Variants in RTL10 observed in about 807,000 individuals in gnomAD.
RTL10 encodes the protein retrotransposon Gag like 10.
For missense variants in RTL10, 477 were observed against 470.7 expected, an observed-to-expected ratio of 1.01 and a Z score of -0.12; for synonymous variants, 199 against 188.4, an observed-to-expected ratio of 1.06 and a Z score of -0.46.
Position 19,846,489 on chromosome 22 carries a change from C to A in RTL10, c.*4678G>T. 1.0e-6 allele frequency: 1 copy of A among 985,394 alleles called. No individual in the cohort carries two copies. Among genetic ancestry groups the A allele is most frequent in the Non-Finnish European group, 1.2e-6 (1 of 829,892 alleles). 61.0% of individuals were successfully genotyped at this position (985,394 alleles called of 1,614,324 possible). ...GGGCCTGGGGGACTCTGCACACAGGCATGTGGAGACCACAGAAGCCTGCCC... is the reference window on the plus strand; with the variant it reads ...GGGCCTGGGGGACTCTGCACACAGGAATGTGGAGACCACAGAAGCCTGCCC... On this transcript the variant is annotated 3_prime_UTR_variant, in exon 3 of 3. Transcript: ENST00000328554.
chr22:19,846,324 A>C lies in RTL10; in HGVS notation c.*4843T>G, dbSNP rs1379574672. 4.4e-6 allele frequency: 3 copies of C among 679,926 alleles called. No homozygotes were observed. The East Asian group carries it at 4.0e-4, about 91-fold the overall frequency. The allele number at this position is 679,926 out of a possible 1,614,324, so 42.1% of individuals were successfully genotyped here. ...GCAGAAAGTTACAACCTGGGAATACAGGATAATGCCTTTGTACCCCCCAGG... is the reference window on the plus strand; with the variant it reads ...GCAGAAAGTTACAACCTGGGAATACCGGATAATGCCTTTGTACCCCCCAGG... On this transcript the variant is annotated 3_prime_UTR_variant, in exon 3 of 3. Transcript: ENST00000328554.
Position 19,847,556 on chromosome 22 carries a change from G to C in RTL10, c.*3611C>G. ...CAGGTAAGGACCCTCAGCTCATGCG[G>C]GGAGGGGAGGAGGCAAGGCCAACCT... On this transcript the variant is annotated 3_prime_UTR_variant, in exon 3 of 3. Transcript: ENST00000328554. 8 of 985,298 alleles carry C rather than the reference G, an allele frequency of 8.1e-6. No individual in the cohort carries two copies. Among genetic ancestry groups the C allele is most frequent in the Non-Finnish European group, 9.6e-6 (8 of 829,862 alleles). 61.0% of individuals were successfully genotyped at this position (985,298 alleles called of 1,614,324 possible). A position where few individuals can be genotyped will look rare whatever the true frequency, so the allele number is the denominator to read the frequency against.
Position 19,847,043 on chromosome 22 carries a change from C to A in RTL10, c.*4124G>T. 7 of 985,472 alleles carry A rather than the reference C, an allele frequency of 7.1e-6. No homozygotes were observed. Among genetic ancestry groups the A allele is most frequent in the Non-Finnish European group, 8.4e-6 (7 of 829,950 alleles). 61.0% of individuals were successfully genotyped at this position (985,472 alleles called of 1,614,324 possible). On this transcript the variant is annotated 3_prime_UTR_variant, in exon 3 of 3. Coordinates refer to ENST00000328554, the MANE Select transcript of RTL10 (RefSeq NM_024627.6). ...TGAGCACCCCAGCCCATAGGATGATCAGCTGCTGCCGTCCTATGGAACTCA... is the reference window on the plus strand; with the variant it reads ...TGAGCACCCCAGCCCATAGGATGATAAGCTGCTGCCGTCCTATGGAACTCA...
At chr22:19,854,223 G>A (rs1427325500) in intron 2 of RTL10, among the ~76,000 whole-genome samples, 3 of 152,198 alleles carry the variant, frequency 2.0e-5, no homozygotes, top group East Asian at 1.9e-4. Flanking sequence ...AAAGGGGCAG[G>A]TACCACGGCG....
chr22:19,849,780 TTTG>T lies in RTL10; in HGVS notation c.*1384_*1386del. Reference sequence around the variant, plus strand: ...TTCCTACTTTCCAGGAAGGTGTTGTTTTGTTGTTTTCACAATTGTAAACCTGAA... The same window carrying T: ...TTCCTACTTTCCAGGAAGGTGTTGTTTTGTTTTCACAATTGTAAACCTGAA... On this transcript the variant is annotated 3_prime_UTR_variant, in exon 3 of 3. Coordinates refer to ENST00000328554, the MANE Select transcript of RTL10 (RefSeq NM_024627.6). The T allele has an allele frequency of 1.0e-6, 1 of 985,456 alleles. No homozygotes were observed. Among genetic ancestry groups the T allele is most frequent in the Non-Finnish European group, 1.2e-6 (1 of 829,934 alleles). 61.0% of individuals were successfully genotyped at this position (985,456 alleles called of 1,614,324 possible).
In RTL10 at chr22:19,851,396, G is replaced by C. The variant is rs749589909; in HGVS notation, c.866C>G (p.Ser289Cys). Residue 289 changes from serine to cysteine, a missense_variant, in exon 3 of 3, where the codon TCT (serine) becomes TGT (cysteine). Ser to Cys is a moderately radical substitution (Grantham distance 112, BLOSUM62 -1). Transcript: ENST00000328554. The stretch of plus-strand genomic sequence containing the variant: ...GGGGGCTGCCTCCTCTGGCTGGGAA[G>C]AGGCTGGTTCCACAGGACCAGGCTT... Reference protein sequence around the residue: ...SSKPGPVEPASSQPEEAAPTP... With the variant: ...SSKPGPVEPACSQPEEAAPTP... 6.2e-7 allele frequency: 1 copy of C among 1,614,096 alleles called. No individual in the cohort carries two copies. Among genetic ancestry groups the C allele is most frequent in the South Asian group, 1.1e-5 (1 of 91,082 alleles).
chr22:19,852,309 T>A lies in RTL10; in HGVS notation c.-48A>T. The A allele has an allele frequency of 6.4e-7, 1 of 1,559,444 alleles. No individual in the cohort carries two copies. The highest frequency in any genetic ancestry group is 8.7e-7 in the Non-Finnish European group (1 of 1,149,410). On this transcript the variant is annotated 5_prime_UTR_variant, in exon 3 of 3. Coordinates refer to ENST00000328554, the MANE Select transcript of RTL10 (RefSeq NM_024627.6). ...GAGGAGAGCCAGCACTGGTGGGTGG[T>A]GGGGGTGTGGACAGATGTGGCTTGC... is the stretch of plus-strand genomic sequence containing the variant.
chr22:19,854,026 A>T (rs1386292919), intron 2 of RTL10, among the ~76,000 whole-genome samples: 1 of 152,114 alleles, frequency 6.6e-6, no homozygotes, highest in Non-Finnish European at 1.5e-5. Context: ...GTCTGGGAGA[A>T]GGCTTCCCTG....
chr22:19,847,858 T>C lies in RTL10; in HGVS notation c.*3309A>G, dbSNP rs977395384. 142 of 942,510 alleles carry C rather than the reference T, an allele frequency of 1.5e-4. No individual in the cohort carries two copies. The highest frequency in any genetic ancestry group is 1.7e-4 in the Non-Finnish European group (136 of 792,988). The allele number at this position is 942,510 out of a possible 1,614,324, so 58.4% of individuals were successfully genotyped here. A position where few individuals can be genotyped will look rare whatever the true frequency, so the allele number is the denominator to read the frequency against. On this transcript the variant is annotated 3_prime_UTR_variant, in exon 3 of 3. Coordinates refer to ENST00000328554, the MANE Select transcript of RTL10 (RefSeq NM_024627.6). ...ATATTTTCCTCTAGTACTTTCATAATTGTAACATTGAAATCTTTAATCTGG... is the reference window on the plus strand; with the variant it reads ...ATATTTTCCTCTAGTACTTTCATAACTGTAACATTGAAATCTTTAATCTGG...
chr22:19,850,584 G>A lies in RTL10; in HGVS notation c.*583C>T, dbSNP rs1938071013. ...GCCCAGAACTGCTGGTAATCCCACA[G>A]GAAACATCATTCTTTGCCAAGATGC... On this transcript the variant is annotated 3_prime_UTR_variant, in exon 3 of 3. Coordinates refer to ENST00000328554, the MANE Select transcript of RTL10 (RefSeq NM_024627.6). The A allele has an allele frequency of 8.5e-7, 1 of 1,172,892 alleles. No individual in the cohort carries two copies. Among genetic ancestry groups the A allele is most frequent in the East Asian group, 3.8e-5 (1 of 25,996 alleles). The allele number at this position is 1,172,892 out of a possible 1,614,324, so 72.7% of individuals were successfully genotyped here. A position where few individuals can be genotyped will look rare whatever the true frequency, so the allele number is the denominator to read the frequency against.
chr22:19,854,609 C>CG (rs1938192344), intron 1 of RTL10, 51 bp downstream of exon 1: 1 of 152,760 alleles, frequency 6.5e-6, no homozygotes, highest in South Asian at 2.1e-4. Context: ...CCCGAGACTG[C>CG]GAGAACGGCC....
rs377243356 is a variant in RTL10 at position 19,849,804 on chromosome 22, C to T, written c.*1363G>A. 5 of 985,256 alleles carry T rather than the reference C, an allele frequency of 5.1e-6. No homozygotes were observed. In the African/African-American group the frequency reaches 7.0e-5, roughly 14 times the overall value. The allele number at this position is 985,256 out of a possible 1,614,324, so 61.0% of individuals were successfully genotyped here. A position where few individuals can be genotyped will look rare whatever the true frequency, so the allele number is the denominator to read the frequency against. On this transcript the variant is annotated 3_prime_UTR_variant, in exon 3 of 3. Transcript: ENST00000328554. Reference sequence around the variant, plus strand: ...TTTTGTTGTTTTCACAATTGTAAACCTGAAAGGGACTTGAACTTCTTGTCC... The same window carrying T: ...TTTTGTTGTTTTCACAATTGTAAACTTGAAAGGGACTTGAACTTCTTGTCC...
Position 19,847,222 on chromosome 22 carries a change from C to T in RTL10, c.*3945G>A, listed in dbSNP as rs560877715. 209 of 985,480 alleles carry T rather than the reference C, an allele frequency of 2.1e-4. No individual in the cohort carries two copies. Among genetic ancestry groups the T allele is most frequent in the Middle Eastern group, 1.0e-3 (2 of 1,914 alleles). 61.0% of individuals were successfully genotyped at this position (985,480 alleles called of 1,614,324 possible). ...GCACAGGTCTGACAGGCCCCAGCCA[C>T]GGTGGCCCACAGGTGCAAGCAAGAA... On this transcript the variant is annotated 3_prime_UTR_variant, in exon 3 of 3. Transcript: ENST00000328554.
chr22:19,850,634 A>C lies in RTL10; in HGVS notation c.*533T>G. 8.2e-7 allele frequency: 1 copy of C among 1,223,508 alleles called. No individual in the cohort carries two copies. Among genetic ancestry groups the C allele is most frequent in the Non-Finnish European group, 1.0e-6 (1 of 983,418 alleles). 75.8% of individuals were successfully genotyped at this position (1,223,508 alleles called of 1,614,324 possible). ...CTATCCCACTCATCCCCCAGAATCA[A>C]AGTGGCCACTTCCTCCAGGCAGCCT... On this transcript the variant is annotated 3_prime_UTR_variant, in exon 3 of 3. Transcript: ENST00000328554.
In RTL10 at chr22:19,847,702, A is replaced by T. The variant is rs1236986494; in HGVS notation, c.*3465T>A. 1.0e-6 allele frequency: 1 copy of T among 983,620 alleles called. No individual in the cohort carries two copies. The highest frequency in any genetic ancestry group is 1.2e-6 in the Non-Finnish European group (1 of 829,688). 60.9% of individuals were successfully genotyped at this position (983,620 alleles called of 1,614,324 possible). The stretch of plus-strand genomic sequence containing the variant: ...GTGCCTAGAATTGTTACGTGGTCAA[A>T]TTATATTATTGTGTATTCCCACCAA... On this transcript the variant is annotated 3_prime_UTR_variant, in exon 3 of 3. Transcript: ENST00000328554.
chr22:19,847,605 T>C lies in RTL10; in HGVS notation c.*3562A>G, dbSNP rs1191708559. ...CTCCAGTCCCTGCTCTAAACCCCCA[T>C]GTAGTGGTACCGAACCATGACCACC... On this transcript the variant is annotated 3_prime_UTR_variant, in exon 3 of 3. Transcript: ENST00000328554. 3 of 980,452 alleles carry C rather than the reference T, an allele frequency of 3.1e-6. No individual in the cohort carries two copies. Among genetic ancestry groups the C allele is most frequent in the South Asian group, 4.7e-5 (1 of 21,182 alleles). The allele number at this position is 980,452 out of a possible 1,614,324, so 60.7% of individuals were successfully genotyped here. A position where few individuals can be genotyped will look rare whatever the true frequency, so the allele number is the denominator to read the frequency against.
Position 19,851,215 on chromosome 22 carries a change from C to T in RTL10, c.1047G>A (p.Val349=). 12 of 1,596,996 alleles carry T rather than the reference C, an allele frequency of 7.5e-6. No homozygotes were observed. Among genetic ancestry groups the T allele is most frequent in the Non-Finnish European group, 1.0e-5 (12 of 1,171,148 alleles). ...GCTCTCCTGGGGTCTCCGGGGCCTCCACCACCTCCTGTGGGGTACCTAAGG... is the reference window on the plus strand; with the variant it reads ...GCTCTCCTGGGGTCTCCGGGGCCTCTACCACCTCCTGTGGGGTACCTAAGG... The part of the protein sequence containing the change: ...EVSLGTPQEV[V]EAPETPGEPP... Residue 349 remains valine (V), a synonymous_variant, in exon 3 of 3, where the codon GTG becomes GTA. Transcript: ENST00000328554.
Position 19,848,528 on chromosome 22 carries a change from C to T in RTL10, c.*2639G>A, listed in dbSNP as rs1455187474. 2.0e-6 allele frequency: 2 copies of T among 985,526 alleles called. No individual in the cohort carries two copies. The highest frequency in any genetic ancestry group is 4.7e-5 in the South Asian group (1 of 21,292). 61.0% of individuals were successfully genotyped at this position (985,526 alleles called of 1,614,324 possible). On this transcript the variant is annotated 3_prime_UTR_variant, in exon 3 of 3. Coordinates refer to ENST00000328554, the MANE Select transcript of RTL10 (RefSeq NM_024627.6). Reference sequence around the variant, plus strand: ...TCTGGAAGGCCATGCCAGAGTCCATCGTTGCCTCCACCCTACCTGTGCAGG... The same window carrying T: ...TCTGGAAGGCCATGCCAGAGTCCATTGTTGCCTCCACCCTACCTGTGCAGG...
rs1569056527 is a variant in RTL10 at position 19,848,011 on chromosome 22, A to G, written c.*3156T>C. On this transcript the variant is annotated 3_prime_UTR_variant, in exon 3 of 3. Transcript: ENST00000328554. ...CACCTCTAGCCTGTACTAAATTTCCATATTTATTTGGCCCGTTTCAAAGTC... is the reference window on the plus strand; with the variant it reads ...CACCTCTAGCCTGTACTAAATTTCCGTATTTATTTGGCCCGTTTCAAAGTC... The G allele has an allele frequency of 7.1e-6, 7 of 985,142 alleles. No homozygotes were observed. In the African/African-American group the frequency reaches 8.7e-5, roughly 12 times the overall value. The allele number at this position is 985,142 out of a possible 1,614,324, so 61.0% of individuals were successfully genotyped here. A position where few individuals can be genotyped will look rare whatever the true frequency, so the allele number is the denominator to read the frequency against.
Sources: allele counts gnomAD v4.1 joint callset (sites outside exome capture counted in the v4.1 genomes callset), GRCh38; gene constraint gnomAD v4.1.1; transcripts MANE v1.5; gene names NCBI Gene and HGNC (gene_info 2026-07-23, HGNC 2026-07-21).